Variants in AGBL4 observed in about 807,000 individuals in gnomAD.
AGBL4 encodes AGBL carboxypeptidase 4.
In AGBL4, 58 loss-of-function variants were observed where a neutral mutation model predicts 66.4. The observed-to-expected ratio is 0.87, with a 90% CI of 0.71 to 1.09. The LOEUF is 1.09. Ranked by LOEUF, AGBL4 falls within the 50% of genes least tolerant of loss-of-function variation. The probability of loss-of-function intolerance (pLI) is 0.00; values close to 1 mark genes in which losing one functional copy is unlikely to be tolerated. For missense variants in AGBL4, 579 were observed against 631.0 expected, an observed-to-expected ratio of 0.92 and a Z score of 0.88; for synonymous variants, 234 against 222.9, an observed-to-expected ratio of 1.05 and a Z score of -0.44.
At chr1:48,896,599 C>T (rs959326130) in intron 5 of AGBL4, among the ~76,000 whole-genome samples, 1 of 152,140 alleles carries the variant, frequency 6.6e-6, no homozygotes, top group African/African-American at 2.4e-5. Flanking sequence ...GCTGCACAGC[C>T]AGAACTCAGA....
At chr1:49,663,223 T>A (rs1403858768) in intron 3 of AGBL4, among the ~76,000 whole-genome samples, 1 of 152,154 alleles carries the variant, frequency 6.6e-6, no homozygotes, top group Non-Finnish European at 1.5e-5. Context: ...CAACTTGCTG[T>A]CCACCAAAAT....
At chr1:49,152,020 A>T (rs1646345939) in intron 4 of AGBL4, among the ~76,000 whole-genome samples, 1 of 152,202 alleles carries the variant, frequency 6.6e-6, no homozygotes, top group African/African-American at 2.4e-5. Context: ...AAAATGTAAC[A>T]TTTATTGACC....
intron 11 of AGBL4, among the ~76,000 whole-genome samples, chr1:48,572,832 G>T (rs1644589083): frequency 6.6e-6 from 1 of 152,124 alleles, no homozygotes; most frequent in Non-Finnish European, 1.5e-5. Context: ...CACCCTGGGG[G>T]CCAGGAGAGG....
At chr1:49,909,143 T>A (rs748796247) in intron 1 of AGBL4, among the ~76,000 whole-genome samples, 4 of 152,134 alleles carry the variant, frequency 2.6e-5, no homozygotes, top group Non-Finnish European at 4.4e-5. Flanking sequence ...ATAACAATAA[T>A]AATAGTACTT....
chr1:49,883,271 C>T (rs889913323), intron 1 of AGBL4, among the ~76,000 whole-genome samples: 2 of 152,046 alleles, frequency 1.3e-5, no homozygotes, highest in African/African-American at 4.8e-5. Flanking sequence ...ATTATGGTTT[C>T]TATTTGCCTG....
intron 4 of AGBL4, among the ~76,000 whole-genome samples, chr1:49,147,097 C>G (rs1646232813): frequency 6.6e-6 from 1 of 152,096 alleles, no homozygotes. Context: ...TTTCTGTCCA[C>G]AGATGTCTGC....
At chr1:49,335,476 C>T (rs1645414546) in intron 3 of AGBL4, among the ~76,000 whole-genome samples, 2 of 152,220 alleles carry the variant, frequency 1.3e-5, no homozygotes, top group South Asian at 2.1e-4. Context: ...TTAAGACACT[C>T]TAATGATTTC....
chr1:49,107,139 A>C lies in AGBL4; in HGVS notation c.378-61339T>G, dbSNP rs538637479. 2.0e-5 allele frequency among the ~76,000 whole-genome samples: 3 copies of C among 152,332 alleles called. No individual in the cohort carries two copies. The South Asian group carries it at 6.2e-4, about 32-fold the overall frequency. On this transcript the variant is annotated intron_variant, in intron 4 of 13. Coordinates refer to ENST00000371839, the MANE Select transcript of AGBL4 (RefSeq NM_032785.4). ...ATATACAGACAGTCTTCAATTTATG[A>C]TGAATCGAACTGATGGTCTTCAGCT...
chr1:49,250,383 C>T (rs1651952264), intron 3 of AGBL4, among the ~76,000 whole-genome samples: 1 of 150,854 alleles, frequency 6.6e-6, no homozygotes, highest in Non-Finnish European at 1.5e-5. Flanking sequence ...AGGAAAGACA[C>T]ACAAACTGGG....
intron 1 of AGBL4, among the ~76,000 whole-genome samples, chr1:49,930,232 T>G (rs1381602278): frequency 1.3e-5 from 2 of 152,082 alleles, no homozygotes; most frequent in Admixed American, 6.5e-5. Flanking sequence ...GATAAATTCC[T>G]TGAGACACAC....
At chr1:49,751,149 C>T (rs1483561745) in intron 2 of AGBL4, among the ~76,000 whole-genome samples, 1 of 152,124 alleles carries the variant, frequency 6.6e-6, no homozygotes, top group Admixed American at 6.6e-5. Context: ...TGAGAGAGGG[C>T]ATCCTTGTAC....
intron 1 of AGBL4, among the ~76,000 whole-genome samples, chr1:49,889,409 A>G (rs1475984154): frequency 6.6e-6 from 1 of 152,150 alleles, no homozygotes; most frequent in Non-Finnish European, 1.5e-5. Context: ...CAATTCACTG[A>G]AGTGATGACA....
rs1183593420 is a variant in AGBL4, at chr1:48,648,148, C to T, written c.839+5189G>A. ...ATTCATAATGTGCTACCAACAACAC[C>T]ATCCATCTCCAAAATTCTTTTTAAC... On this transcript the variant is annotated intron_variant, in intron 8 of 13. Transcript: ENST00000371839. 3.3e-5 allele frequency among the ~76,000 whole-genome samples: 5 copies of T among 152,140 alleles called. No homozygotes were observed. The East Asian group carries it at 7.7e-4, about 24-fold the overall frequency.
chr1:49,548,658 T>C (rs972901911), intron 3 of AGBL4, among the ~76,000 whole-genome samples: 1 of 152,242 alleles, frequency 6.6e-6, no homozygotes, highest in Non-Finnish European at 1.5e-5. Context: ...CTTTTTGATA[T>C]GTTGTTGAAT....
intron 4 of AGBL4, among the ~76,000 whole-genome samples, chr1:49,092,522 CA>C (rs577099220): frequency 1.3e-5 from 2 of 151,940 alleles, no homozygotes; most frequent in South Asian, 4.1e-4. Context: ...CTGAATCTGA[CA>C]AAAAAGAATC....
intron 6 of AGBL4, among the ~76,000 whole-genome samples, chr1:48,741,931 T>G (rs1246721022): frequency 6.6e-6 from 1 of 152,206 alleles, no homozygotes; most frequent in Non-Finnish European, 1.5e-5. Context: ...TCAGAAAAAT[T>G]TCCTCCCCTG....
At chr1:49,194,646 G>T (rs1647190444) in intron 4 of AGBL4, among the ~76,000 whole-genome samples, 1 of 152,118 alleles carries the variant, frequency 6.6e-6, no homozygotes, top group Non-Finnish European at 1.5e-5. Context: ...AGGTGGGATG[G>T]AGTGCAATGG....
intron 6 of AGBL4, among the ~76,000 whole-genome samples, chr1:48,833,421 G>A (rs900162984): frequency 3.5e-4 from 54 of 152,308 alleles, no homozygotes; most frequent in African/African-American, 1.3e-3. Context: ...TCTAAGCAAT[G>A]TGTAAAAGAA....
intron 1 of AGBL4, among the ~76,000 whole-genome samples, chr1:49,920,513 C>G (rs575581127): frequency 8.5e-5 from 13 of 152,196 alleles, no homozygotes; most frequent in Admixed American, 4.6e-4. Flanking sequence ...CTGGCCATCA[C>G]AGAAATGCAA....
Sources: gnomAD v4.1 joint callset for allele counts (sites outside exome capture counted in the v4.1 genomes callset) on GRCh38, gnomAD v4.1.1 for gene constraint, MANE v1.5 for transcripts, NCBI Gene and HGNC (gene_info 2026-07-23, HGNC 2026-07-21) for gene names.